The following CREB3L2 variants were observed in gnomAD, a reference collection of about 807,000 sequenced individuals.
The protein encoded by CREB3L2 is cAMP responsive element binding protein 3 like 2.
Under a neutral mutation model 57.2 loss-of-function variants are expected in CREB3L2, and 23 were observed. The observed-to-expected ratio is 0.40, with a 90% confidence interval of 0.29 to 0.57. The LOEUF is 0.57. Ranked by LOEUF, CREB3L2 falls within the 20% of genes least tolerant of loss-of-function variation. CREB3L2 has a pLI of 0.42. For missense variants in CREB3L2, 628 were observed against 634.7 expected (o/e 0.99, Z 0.11); for synonymous variants, 268 against 265.1 (o/e 1.01, Z -0.11).
intron 8 of CREB3L2, among the ~76,000 whole-genome samples, chr7:137,894,018 C>G (rs1799571293): frequency 6.6e-6 from 1 of 152,312 alleles, no homozygotes; most frequent in East Asian, 1.9e-4. Flanking sequence ...CTGCTCCACA[C>G]CGTTGGAGAG....
intron 1 of CREB3L2, chr7:137,955,406 A>C: frequency 2.5e-6 from 2 of 814,984 alleles, no homozygotes; most frequent in Non-Finnish European, 3.6e-6. Flanking sequence ...CGGCCACCTC[A>C]CTCCTCTCCC....
At chr7:137,956,371 C>G (rs977726244) in intron 1 of CREB3L2, among the ~76,000 whole-genome samples, 2 of 152,226 alleles carry the variant, frequency 1.3e-5, no homozygotes, top group Admixed American at 6.5e-5. Context: ...TAAATTCCAA[C>G]TACCACTCTT....
chr7:137,955,608 T>C (rs1484922792), intron 1 of CREB3L2, among the ~76,000 whole-genome samples: 1 of 152,228 alleles, frequency 6.6e-6, no homozygotes, highest in African/African-American at 2.4e-5. Context: ...CCACCTCGAC[T>C]TTTCAAATGT....
At chr7:137,983,918 C>T (rs1364632439) in intron 1 of CREB3L2, among the ~76,000 whole-genome samples, 3 of 152,138 alleles carry the variant, frequency 2.0e-5, no homozygotes, top group South Asian at 2.1e-4. Flanking sequence ...GATTCCCATC[C>T]GCACACTGCC....
chr7:137,997,727 AAAAATAAAAT>A (rs34954362), intron 1 of CREB3L2, among the ~76,000 whole-genome samples: 5 of 150,182 alleles, frequency 3.3e-5, no homozygotes, highest in Admixed American at 6.6e-5. Context: ...GACCCATCTC[AAAAATAAAAT>A]AAAATAAAAT....
chr7:137,984,925 A>G (rs764265606), intron 1 of CREB3L2, among the ~76,000 whole-genome samples: 17 of 152,252 alleles, frequency 1.1e-4, no homozygotes, highest in Non-Finnish European at 1.8e-4. Flanking sequence ...GCAGCTCATT[A>G]AAGCTTGTCA....
intron 1 of CREB3L2, among the ~76,000 whole-genome samples, chr7:137,944,995 C>T (rs576917642): frequency 1.4e-4 from 21 of 152,246 alleles, no homozygotes; most frequent in East Asian, 7.7e-4. Flanking sequence ...CGGGCTCAAG[C>T]GATTCTCCTG....
chr7:137,890,493 G>A (rs1234011991), intron 8 of CREB3L2, among the ~76,000 whole-genome samples: 2 of 152,222 alleles, frequency 1.3e-5, no homozygotes, highest in East Asian at 3.8e-4. Context: ...GTTTCAATCA[G>A]AGGATGACTG....
At chr7:137,951,701 G>A (rs180850861) in intron 1 of CREB3L2, among the ~76,000 whole-genome samples, 1 of 152,296 alleles carries the variant, frequency 6.6e-6, no homozygotes, top group Admixed American at 6.5e-5. Context: ...ACACAAAACA[G>A]GCCAGACATG....
chr7:137,885,599 C>T (rs1216711436), intron 8 of CREB3L2, 97 bp from the exon 9 acceptor site: 3 of 914,022 alleles, frequency 3.3e-6, no homozygotes, highest in Non-Finnish European at 1.8e-6. Flanking sequence ...TGCCTTTGTG[C>T]CTGCATTTCA....
At chr7:137,911,727 A>T (rs1800010006) in intron 4 of CREB3L2, among the ~76,000 whole-genome samples, 1 of 152,162 alleles carries the variant, frequency 6.6e-6, no homozygotes, top group Admixed American at 6.5e-5. Context: ...AGTCCCCGCT[A>T]CTTGGGAGGC....
chr7:137,893,387 T>C (rs935872590), intron 8 of CREB3L2, among the ~76,000 whole-genome samples: 5 of 152,222 alleles, frequency 3.3e-5, no homozygotes, highest in African/African-American at 4.8e-5. Context: ...TTAGAGATAA[T>C]GCAGAAATGA....
rs1368532315 is a variant in CREB3L2, at chr7:137,980,429, C to A, written c.102+21175G>T. Among the ~76,000 whole-genome samples the A allele has an allele frequency of 6.6e-6, 1 of 152,202 alleles. No individual in the cohort carries two copies. The highest frequency in any genetic ancestry group is 1.5e-5 in the Non-Finnish European group (1 of 68,034). On this transcript the variant is annotated intron_variant, in intron 1 of 11. Transcript: ENST00000330387. This position sits in a 1 kb window ranked among gnomAD's most constrained non-coding sequence, Gnocchi z 4.3. ...TCCAGTGGGTTCGCCTGGCCTGGGG[C>A]AGCTCAGGAGAGTGGTCACCCAGGC...
intron 1 of CREB3L2, among the ~76,000 whole-genome samples, chr7:137,935,285 A>T (rs1434748051): frequency 2.0e-5 from 3 of 152,228 alleles, no homozygotes; most frequent in African/African-American, 7.2e-5. Flanking sequence ...TAAAAAACTA[A>T]CATAATTAAA....
rs897636458 is a variant in CREB3L2 at position 137,875,577 on chromosome 7, G to A, written c.*4899C>T. 9 of 224,384 alleles carry A rather than the reference G, an allele frequency of 4.0e-5. No homozygotes were observed. Among genetic ancestry groups the A allele is most frequent in the Middle Eastern group, 1.3e-3 (1 of 764 alleles). The allele number at this position is 224,384 out of a possible 1,614,324, so 13.9% of individuals were successfully genotyped here. A position where few individuals can be genotyped will look rare whatever the true frequency, so the allele number is the denominator to read the frequency against. On this transcript the variant is annotated 3_prime_UTR_variant, in exon 12 of 12. Transcript: ENST00000330387. The stretch of plus-strand genomic sequence containing the variant: ...ACCTGGGGGACTGCTCCAGCACGAA[G>A]GGAAGCGATGAGCATCACACAGCAG...
intron 1 of CREB3L2, among the ~76,000 whole-genome samples, chr7:137,944,157 T>C (rs1292237114): frequency 1.3e-5 from 2 of 152,214 alleles, no homozygotes; most frequent in Non-Finnish European, 2.9e-5. Flanking sequence ...GGCTTTAAAC[T>C]GATCTTTTGC....
intron 1 of CREB3L2, among the ~76,000 whole-genome samples, chr7:137,946,784 A>ATATATAGT (rs1563262175): frequency 1.5e-5 from 1 of 65,750 alleles, no homozygotes; most frequent in African/African-American, 1.2e-4. Flanking sequence ...CTATATAGTT[A>ATATATAGT]TCTATATAGT....
At chr7:137,901,309 T>C (rs774257545) in intron 8 of CREB3L2, 45 bp downstream of exon 8, 3 of 1,186,356 alleles carry the variant, frequency 2.5e-6, no homozygotes, top group Admixed American at 1.8e-5. Flanking sequence ...TCCTTCCCCA[T>C]CTTCCATTGG....
At chr7:137,922,384 G>GTGTATATATATATATATATATATA (rs1222708681) in intron 2 of CREB3L2, among the ~76,000 whole-genome samples, 1 of 19,582 alleles carries the variant, frequency 5.1e-5, no homozygotes, top group African/African-American at 2.4e-4. Context: ...ATATATATAT[G>GTGTATATATATATATATATATATA]TATATATATA....
Sources: gnomAD v4.1 joint callset for allele counts (sites outside exome capture counted in the v4.1 genomes callset) on GRCh38, gnomAD v4.1.1 for gene constraint, Gnocchi (gnomAD v3.1) non-coding constraint, MANE v1.5 for transcripts, NCBI Gene and HGNC (gene_info 2026-07-23, HGNC 2026-07-21) for gene names.